The following CLDN14 variants were observed in gnomAD, a reference collection of about 807,000 sequenced individuals.
CLDN14 encodes claudin 14, also known as claudin-14.
CLDN14 carries 2 observed loss-of-function variants against 2.1 expected under a neutral mutation model. The observed-to-expected ratio is 0.96, with a 90% CI of 0.39 to 3.01. The LOEUF (loss-of-function observed/expected upper bound fraction) is 3.01. Ranked by LOEUF, CLDN14 falls within the 30% of genes most tolerant of loss-of-function variation. CLDN14 has a pLI of 0.09. For synonymous variants in CLDN14, 136 were observed against 154.4 expected, an observed-to-expected ratio of 0.88 and a Z score of 0.88; for missense variants, 298 against 328.0, an observed-to-expected ratio of 0.91 and a Z score of 0.71.
At chr21:36,547,617 G>A (rs1050064427) in intron 1 of CLDN14, among the ~76,000 whole-genome samples, 7 of 152,128 alleles carry the variant, frequency 4.6e-5, no homozygotes, top group African/African-American at 1.4e-4. Context: ...AGTTAAATGC[G>A]AGGGTCCCTG....
chr21:36,488,776 T>G (rs35857368), intron 2 of CLDN14, among the ~76,000 whole-genome samples: 5,493 of 152,118 alleles, frequency 0.036, 334 homozygotes, highest in East Asian at 0.29. Context: ...CACAGAACTA[T>G]GTACTTCAAA....
chr21:36,574,053 T>A (rs1485189914), intron 1 of CLDN14, among the ~76,000 whole-genome samples: 1 of 152,178 alleles, frequency 6.6e-6, no homozygotes, highest in Non-Finnish European at 1.5e-5. Context: ...ATAAATGAGC[T>A]GATTCTAAAT....
intron 1 of CLDN14, among the ~76,000 whole-genome samples, chr21:36,570,970 T>A (rs2087705797): frequency 6.6e-6 from 1 of 152,152 alleles, no homozygotes; most frequent in South Asian, 2.1e-4. Context: ...GCCTCCTGAG[T>A]AGCTGGGATT....
chr21:36,464,345 G>A (rs1000113206), intron 1 of CLDN14, among the ~76,000 whole-genome samples: 1 of 152,172 alleles, frequency 6.6e-6, no homozygotes, highest in South Asian at 2.1e-4. Flanking sequence ...TTTGACTCAG[G>A]TTGCATTGCG....
intron 1 of CLDN14, among the ~76,000 whole-genome samples, chr21:36,471,353 A>G (rs2146432680): frequency 6.6e-6 from 1 of 152,348 alleles, no homozygotes; most frequent in Non-Finnish European, 1.5e-5. Flanking sequence ...TTCAAGTGCA[A>G]ACACAATCTA....
intron 1 of CLDN14, among the ~76,000 whole-genome samples, chr21:36,466,948 G>A (rs554728858): frequency 6.6e-6 from 1 of 152,262 alleles, no homozygotes; most frequent in African/African-American, 2.4e-5. Flanking sequence ...ATGCAAGTTC[G>A]AAATCCAATA....
chr21:36,549,254 T>A (rs1005188717), intron 1 of CLDN14, among the ~76,000 whole-genome samples: 2 of 139,362 alleles, frequency 1.4e-5, no homozygotes, highest in South Asian at 2.5e-4. Context: ...TTTATATTCC[T>A]TCATGTGTGC....
chr21:36,480,947 C>T (rs2086839584), upstream of CLDN14: 1 of 152,146 alleles, frequency 6.6e-6, no homozygotes, highest in African/African-American at 2.4e-5. Context: ...CGGTGAAGGA[C>T]AGAAAGACAG....
intron 2 of CLDN14, among the ~76,000 whole-genome samples, chr21:36,489,784 T>C (rs1351399186): frequency 6.6e-6 from 1 of 152,226 alleles, no homozygotes; most frequent in African/African-American, 2.4e-5. Context: ...CTGCCAGGCA[T>C]CATGTCCAGT....
intron 1 of CLDN14, among the ~76,000 whole-genome samples, chr21:36,568,698 CT>C (rs1280953764): frequency 6.6e-6 from 1 of 152,194 alleles, no homozygotes; most frequent in Non-Finnish European, 1.5e-5. Context: ...GCACTCCAGC[CT>C]GGGCCACAGA....
intron 1 of CLDN14, among the ~76,000 whole-genome samples, chr21:36,557,779 T>G (rs1343718454): frequency 6.6e-6 from 1 of 152,228 alleles, no homozygotes; most frequent in African/African-American, 2.4e-5. Context: ...ATGCAGAAGA[T>G]TTTTTAGTTT....
chr21:36,487,834 T>G (rs1254692537), intron 2 of CLDN14: 1 of 152,244 alleles, frequency 6.6e-6, no homozygotes, highest in Non-Finnish European at 1.5e-5. Flanking sequence ...ATTGCTGGTG[T>G]GTACTCAGGA....
At chr21:36,484,273 T>C (rs2086873911), upstream of CLDN14, among the ~76,000 whole-genome samples, 1 of 152,216 alleles carries the variant, frequency 6.6e-6, no homozygotes, top group Non-Finnish European at 1.5e-5. Flanking sequence ...CCCCATGTTC[T>C]TGGGTTTAAG....
chr21:36,467,699 G>A (rs1451303209), intron 1 of CLDN14, among the ~76,000 whole-genome samples: 18 of 152,166 alleles, frequency 1.2e-4, no homozygotes, highest in Non-Finnish European at 4.4e-5. Flanking sequence ...GATGGGTGGG[G>A]TGTTTGAGTC....
At chr21:36,514,633 G>A (rs1190536742) in intron 1 of CLDN14, among the ~76,000 whole-genome samples, 1 of 137,794 alleles carries the variant, frequency 7.3e-6, no homozygotes, top group African/African-American at 3.3e-5. Flanking sequence ...GTGTGTGTGT[G>A]TGTGTGTGTG....
chr21:36,536,979 C>T (rs1470845198), intron 1 of CLDN14, among the ~76,000 whole-genome samples: 1 of 152,154 alleles, frequency 6.6e-6, no homozygotes, highest in Non-Finnish European at 1.5e-5. Flanking sequence ...TCACCTGAGG[C>T]TGGGAGTTCA....
intron 1 of CLDN14, among the ~76,000 whole-genome samples, chr21:36,540,786 A>G (rs1384750999): frequency 1.3e-5 from 2 of 152,158 alleles, no homozygotes; most frequent in African/African-American, 2.4e-5. Flanking sequence ...AAATAGTTAG[A>G]TGTTTATTCT....
chr21:36,527,108 C>T (rs577085937), intron 1 of CLDN14, among the ~76,000 whole-genome samples: 3 of 152,342 alleles, frequency 2.0e-5, no homozygotes, highest in Admixed American at 6.5e-5. Flanking sequence ...ATAGGTAACA[C>T]GTGAGGGGTC....
At position 36,460,707 on chromosome 21, in the gene CLDN14, C is replaced by T. The variant is rs571301747; in HGVS notation, c.*269G>A. On this transcript the variant is annotated 3_prime_UTR_variant, in exon 2 of 2. Transcript: ENST00000399135. The surrounding 1 kb of genome is among the most constrained non-coding windows in gnomAD (Gnocchi z 4.0). ...AACTCCCAAGTCACTTTATATTAAA[C>T]TTGTTATCAAATCACCCACATAAAT... 2 of 427,768 alleles carry T rather than the reference C, an allele frequency of 4.7e-6. No individual in the cohort carries two copies. The highest frequency in any genetic ancestry group is 4.2e-6 in the Non-Finnish European group (1 of 235,970). 26.5% of individuals were successfully genotyped at this position (427,768 alleles called of 1,614,324 possible). A position where few individuals can be genotyped will look rare whatever the true frequency, so the allele number is the denominator to read the frequency against.
Sources: gnomAD v4.1 joint callset for allele counts (sites outside exome capture counted in the v4.1 genomes callset) on GRCh38, gnomAD v4.1.1 for gene constraint, Gnocchi (gnomAD v3.1) non-coding constraint, MANE v1.5 for transcripts, NCBI Gene and HGNC (gene_info 2026-07-23, HGNC 2026-07-21) for gene names.